MYO1B: variants seen among roughly 807,000 people sequenced by gnomAD.
The protein encoded by MYO1B is myosin IB.
MYO1B carries 72 observed loss-of-function variants against 159.7 expected under a neutral mutation model. The ratio of observed to expected loss-of-function variants is 0.45; its 90% CI spans 0.37 to 0.55. MYO1B has a LOEUF of 0.55. Among genes scored for constraint, MYO1B ranks in the 20% least tolerant of loss-of-function variants. The probability of loss-of-function intolerance (pLI) is 0.00; values close to 1 mark genes in which losing one functional copy is unlikely to be tolerated. For synonymous variants in MYO1B, 468 were observed against 473.8 expected (o/e 0.99, Z 0.16); for missense variants, 1,062 against 1,364.8 (o/e 0.78, Z 3.50).
chr2:191,284,545 A>G (rs570414686), intron 2 of MYO1B, among the ~76,000 whole-genome samples: 8 of 152,336 alleles, frequency 5.3e-5, no homozygotes, highest in Admixed American at 3.3e-4. Flanking sequence ...TGCCTATCAC[A>G]TGATGAAAGT....
chr2:191,415,811 GT>G (rs1697528203), intron 29 of MYO1B, among the ~76,000 whole-genome samples: 1 of 152,144 alleles, frequency 6.6e-6, no homozygotes, highest in Non-Finnish European at 1.5e-5. Flanking sequence ...TTGCGTTGTG[GT>G]TTCATATTCA....
chr2:191,348,560 A>G (rs531675397), intron 6 of MYO1B, among the ~76,000 whole-genome samples: 1 of 149,874 alleles, frequency 6.7e-6, no homozygotes, highest in East Asian at 2.0e-4. Context: ...CTCCCTGTAC[A>G]CTGAGTGGCC....
chr2:191,300,497 C>T (rs568292427), intron 3 of MYO1B, among the ~76,000 whole-genome samples: 9 of 151,966 alleles, frequency 5.9e-5, no homozygotes, highest in South Asian at 2.1e-4. Context: ...GTGCCCGCCA[C>T]GACGTCTGGC....
intron 3 of MYO1B, among the ~76,000 whole-genome samples, chr2:191,302,100 A>G (rs746202012): frequency 2.6e-5 from 4 of 151,864 alleles, no homozygotes; most frequent in Non-Finnish European, 5.9e-5. Context: ...CCTTATCTCC[A>G]CTGTTAAAAT....
chr2:191,282,021 TATAG>T (rs1559137826), intron 2 of MYO1B, among the ~76,000 whole-genome samples: 2 of 152,212 alleles, frequency 1.3e-5, no homozygotes, highest in African/African-American at 4.8e-5. Context: ...ATACTCAAGA[TATAG>T]TACCATATAT....
At chr2:191,287,577 T>C (rs1279719361) in intron 2 of MYO1B, among the ~76,000 whole-genome samples, 2 of 151,782 alleles carry the variant, frequency 1.3e-5, no homozygotes, top group African/African-American at 4.8e-5. Flanking sequence ...AGTTAAATAA[T>C]GTGCCCACGT....
intron 16 of MYO1B, among the ~76,000 whole-genome samples, chr2:191,386,914 T>C (rs1695431337): frequency 6.6e-6 from 1 of 152,184 alleles, no homozygotes; most frequent in South Asian, 2.1e-4. Flanking sequence ...AAAATAAAAG[T>C]AAAACCCCAG....
intron 17 of MYO1B, among the ~76,000 whole-genome samples, chr2:191,388,776 G>A (rs188317342): frequency 3.5e-4 from 53 of 152,064 alleles, no homozygotes; most frequent in Middle Eastern, 3.4e-3. Context: ...GATCTGAAGT[G>A]AACAGTTCAA....
intron 12 of MYO1B, 50 bp from the exon 13 acceptor site, chr2:191,370,177 G>A (rs1694269786): frequency 1.7e-6 from 2 of 1,151,540 alleles, no homozygotes. Context: ...GATGCTTGTA[G>A]TGTTATATTT....
intron 7 of MYO1B, among the ~76,000 whole-genome samples, chr2:191,357,627 C>T (rs1282254551): frequency 6.6e-6 from 1 of 152,160 alleles, no homozygotes; most frequent in Non-Finnish European, 1.5e-5. Context: ...AGCAGAGGCT[C>T]AATTGGCGGT....
intron 3 of MYO1B, among the ~76,000 whole-genome samples, chr2:191,313,326 T>G (rs960697770): frequency 6.7e-6 from 1 of 149,832 alleles, no homozygotes; most frequent in African/African-American, 2.5e-5. Context: ...TTCTCCTGCC[T>G]TAGCCTCCTG....
chr2:191,320,921 C>T (rs1051895317), intron 3 of MYO1B, among the ~76,000 whole-genome samples: 4 of 152,042 alleles, frequency 2.6e-5, no homozygotes, highest in African/African-American at 9.7e-5. Context: ...TCTGTGATAA[C>T]CTGAGCCAGA....
intron 2 of MYO1B, among the ~76,000 whole-genome samples, chr2:191,286,957 C>G (rs1350045452): frequency 6.6e-6 from 1 of 151,994 alleles, no homozygotes; most frequent in Non-Finnish European, 1.5e-5. Flanking sequence ...CAAAACAGAC[C>G]ATTTTGTAAA....
intron 3 of MYO1B, among the ~76,000 whole-genome samples, chr2:191,303,374 C>G (rs868351016): frequency 8.5e-5 from 13 of 152,062 alleles, no homozygotes; most frequent in African/African-American, 3.1e-4. Flanking sequence ...TTATTTCTTT[C>G]ATTTTACTTT....
intron 11 of MYO1B, among the ~76,000 whole-genome samples, chr2:191,368,095 T>C (rs564367811): frequency 1.4e-4 from 21 of 152,318 alleles, no homozygotes; most frequent in African/African-American, 4.3e-4. Flanking sequence ...GGGATTAGCA[T>C]GGAAATGTCA....
chr2:191,267,679 G>A (rs971164923), intron 1 of MYO1B, among the ~76,000 whole-genome samples: 3 of 152,186 alleles, frequency 2.0e-5, no homozygotes, highest in South Asian at 4.1e-4. Context: ...AGGGCACCCC[G>A]TGTGGTTCTG....
chr2:191,338,621 C>G (rs1692010635), intron 4 of MYO1B, among the ~76,000 whole-genome samples: 1 of 152,110 alleles, frequency 6.6e-6, no homozygotes, highest in Admixed American at 6.5e-5. Flanking sequence ...CCAAAAGATT[C>G]TCATTCTTGG....
At chr2:191,422,693 C>T (rs60901959) in intron 30 of MYO1B, among the ~76,000 whole-genome samples, 2,498 of 152,226 alleles carry the variant, frequency 0.016, 67 homozygotes, top group African/African-American at 0.057. Context: ...ATGCAGATAA[C>T]GACAAAAACT....
At chr2:191,257,048 C>T (rs1363044479) in intron 1 of MYO1B, among the ~76,000 whole-genome samples, 1 of 152,126 alleles carries the variant, frequency 6.6e-6, no homozygotes, top group Non-Finnish European at 1.5e-5. Flanking sequence ...CTTCCTCCCC[C>T]TTCCCCTTGA....
Sources: allele counts gnomAD v4.1 joint callset (sites outside exome capture counted in the v4.1 genomes callset), GRCh38; gene constraint gnomAD v4.1.1; transcripts MANE v1.5; gene names NCBI Gene and HGNC (gene_info 2026-07-23, HGNC 2026-07-21).